Variants in SETD5 observed in about 807,000 individuals in gnomAD.
The protein encoded by SETD5 is SET domain containing 5, also known as histone-lysine N-methyltransferase SETD5.
In SETD5, 44 loss-of-function variants were observed where a neutral mutation model predicts 153.3. The ratio of observed to expected loss-of-function variants is 0.29; its 90% CI spans 0.23 to 0.37. The LOEUF is 0.37. SETD5 is among the 10% of genes least tolerant of loss of function. The pLI is 1.00. For synonymous variants in SETD5, 716 were observed against 645.2 expected (o/e 1.11, Z -1.66); for missense variants, 1,544 against 1,768.0 (o/e 0.87, Z 2.27).
chr3:9,470,772 A>G lies in SETD5; in HGVS notation c.3038A>G (p.His1013Arg), dbSNP rs762472043. 1 of 1,613,918 alleles carries G rather than the reference A, an allele frequency of 6.2e-7. No homozygotes were observed. The highest frequency in any genetic ancestry group is 8.5e-7 in the Non-Finnish European group (1 of 1,179,872). The change falls in exon 19 of 23, where the codon CAT becomes CGT. Residue 1013 changes from histidine (H) to arginine (R), a missense_variant. Coordinates refer to ENST00000402198, the MANE Select transcript of SETD5 (RefSeq NM_001080517.3). ...CTAGTGGGGGATAGGAAGCCTTTAC[A>G]TTTGGATGGGGGATATTGTTCCCCT... ...SPLVGDRKPL[H>R]LDGGYCSPAE...
At chr3:9,444,967 ATATTT>A in intron 11 of SETD5, 76 bp from the exon 12 acceptor site, 17 of 1,526,142 alleles carry the variant, frequency 1.1e-5, no homozygotes, top group Non-Finnish European at 1.5e-5. Flanking sequence ...TACTGTACTG[ATATTT>A]TAAGAGGGTG....
intron 7 of SETD5, 103 bp from the exon 8 acceptor site, chr3:9,440,353 C>A (rs2041124051): frequency 1.5e-6 from 1 of 658,568 alleles, no homozygotes; most frequent in East Asian, 2.6e-5. Context: ...CATCAATTGC[C>A]AAGTGATAAA....
rs1448110737 is a variant in SETD5, at chr3:9,476,423, G to A, written c.*332G>A. On this transcript the variant is annotated 3_prime_UTR_variant, in exon 23 of 23. Transcript: ENST00000402198. The stretch of plus-strand genomic sequence containing the variant: ...CGTCTCCCATCCTTGCCTGTAGCCC[G>A]TAGTCACTTGTGCAGTGAGGACATC... 2.6e-5 allele frequency: 6 copies of A among 230,430 alleles called. No homozygotes were observed. Among genetic ancestry groups the A allele is most frequent in the Admixed American group, 1.0e-4 (2 of 19,718 alleles). The allele number at this position is 230,430 out of a possible 1,614,324, so 14.3% of individuals were successfully genotyped here.
chr3:9,453,859 G>T lies in SETD5; in HGVS notation c.2467G>T (p.Asp823Tyr). The T allele has an allele frequency of 6.3e-7, 1 of 1,579,322 alleles. No individual in the cohort carries two copies. The highest frequency in any genetic ancestry group is 1.2e-5 in the South Asian group (1 of 84,620). The change falls in exon 17 of 23, where the codon GAC becomes TAC. Residue 823 changes from aspartate (D) to tyrosine (Y), a missense_variant. Asp to Tyr is a radical substitution (Grantham distance 160). This residue lies in a region of SETD5 where 782 missense variants were observed against 787.2 expected (regional missense o/e 0.99). Coordinates refer to ENST00000402198, the MANE Select transcript of SETD5 (RefSeq NM_001080517.3). The part of the protein sequence containing the change: ...ENSSSSSICK[D>Y]NADLLSPLKK... ...TAGTAGCTCTTCTAGTATCTGCAAA[G>T]ACAATGCAGGTACGTATCTAAAACC...
chr3:9,410,981 C>T (rs1036469076), intron 1 of SETD5, among the ~76,000 whole-genome samples: 1 of 151,830 alleles, frequency 6.6e-6, no homozygotes, highest in African/African-American at 2.4e-5. Flanking sequence ...CTAGGCGTCC[C>T]AGGTTGAAGC....
chr3:9,447,018 C>T (rs746109974), intron 13 of SETD5, 32 bp from the exon 14 acceptor site: 27 of 1,541,930 alleles, frequency 1.8e-5, no homozygotes, highest in Non-Finnish European at 2.2e-5. Flanking sequence ...TCATTTGAAG[C>T]TTCCTTCTAC....
rs2041793270 is a variant in SETD5, at chr3:9,445,208, G to A, written c.1348G>A (p.Glu450Lys). 4.3e-6 allele frequency: 7 copies of A among 1,613,582 alleles called. No individual in the cohort carries two copies. Among genetic ancestry groups the A allele is most frequent in the Non-Finnish European group, 5.9e-6 (7 of 1,179,748 alleles). The change falls in exon 12 of 23, where the codon GAG becomes AAG. Residue 450 changes from glutamate to lysine, a missense_variant. Transcript: ENST00000402198. Reference protein sequence around the residue: ...RRRKARRKELEMEQQNEASEE... With the variant: ...RRRKARRKELKMEQQNEASEE... ...TAGAAAAGCACGACGGAAAGAGCTA[G>A]AGATGGAGCAGCAGAATGAGGCTTC...
At chr3:9,455,143 G>A (rs1393518624) in intron 17 of SETD5, among the ~76,000 whole-genome samples, 2 of 143,598 alleles carry the variant, frequency 1.4e-5, no homozygotes, top group African/African-American at 2.6e-5. Flanking sequence ...TTCAGAAAAC[G>A]TGAATTGCCT....
intron 18 of SETD5, among the ~76,000 whole-genome samples, chr3:9,465,412 C>T (rs1435687609): frequency 6.6e-6 from 1 of 152,140 alleles, no homozygotes; most frequent in African/African-American, 2.4e-5. Flanking sequence ...TTTTAAAACA[C>T]TTCATCTATT....
At chr3:9,468,272 C>T (rs974217909) in intron 18 of SETD5, among the ~76,000 whole-genome samples, 4 of 152,046 alleles carry the variant, frequency 2.6e-5, no homozygotes, top group African/African-American at 9.7e-5. Context: ...TGTTTACTTA[C>T]AGCATGAAAC....
intron 17 of SETD5, among the ~76,000 whole-genome samples, chr3:9,462,224 G>T (rs2044037800): frequency 6.6e-6 from 1 of 152,102 alleles, no homozygotes; most frequent in Admixed American, 6.6e-5. Context: ...TTCCTTGAAG[G>T]CCTGGAATAA....
rs1396086501 is a variant in SETD5, at chr3:9,476,496, A to C, written c.*405A>C. On this transcript the variant is annotated 3_prime_UTR_variant, in exon 23 of 23. Coordinates refer to ENST00000402198, the MANE Select transcript of SETD5 (RefSeq NM_001080517.3). ...AAAAAAAAGTTTTCAAAGGAAAAAA[A>C]GTTAAAAGAGCCAATCTCAAAGCCC... 1 of 163,020 alleles carries C rather than the reference A, an allele frequency of 6.1e-6. No homozygotes were observed. The highest frequency in any genetic ancestry group is 1.4e-5 in the Non-Finnish European group (1 of 73,960). 10.1% of individuals were successfully genotyped at this position (163,020 alleles called of 1,614,324 possible). A position where few individuals can be genotyped will look rare whatever the true frequency, so the allele number is the denominator to read the frequency against.
At position 9,475,446 on chromosome 3, in the gene SETD5, T is replaced by C. The variant is rs987947710; in HGVS notation, c.3721-37T>C. On this transcript the variant is annotated intron_variant, in intron 22 of 22. Transcript: ENST00000402198. ...GTTCACCAGCCATTTAAGGGACTTG[T>C]TCGCGTCCTTATTCGTTTCCTCCCA... 7 of 1,583,174 alleles carry C rather than the reference T, an allele frequency of 4.4e-6. No individual in the cohort carries two copies. In the South Asian group the frequency reaches 8.0e-5, roughly 18 times the overall value.
chr3:9,431,312 G>A, intron 3 of SETD5: 1 of 985,398 alleles, frequency 1.0e-6, no homozygotes, highest in Non-Finnish European at 1.2e-6. Context: ...GAACACTGTT[G>A]ATGGAGTATA....
chr3:9,440,823 G>T (rs562569662), intron 8 of SETD5, 125 bp downstream of exon 8: 7 of 1,260,468 alleles, frequency 5.6e-6, no homozygotes, highest in Non-Finnish European at 7.5e-6. Flanking sequence ...GATTAGCCAG[G>T]TGTTGATCAT....
chr3:9,419,506 C>T (rs550061070), intron 1 of SETD5, among the ~76,000 whole-genome samples: 10 of 152,164 alleles, frequency 6.6e-5, no homozygotes, highest in Admixed American at 5.2e-4. Flanking sequence ...GTTGAGGTTG[C>T]GGTGAGCTGT....
At position 9,438,862 on chromosome 3, in the gene SETD5, T is replaced by A. The variant is rs1459308675; in HGVS notation, c.568-1594T>A. On this transcript the variant is annotated intron_variant, in intron 7 of 22. Transcript: ENST00000402198. ...GTAACACTCATACACTCAGTTGAGA[T>A]TATCAAAAATGTCTTCAGATATTAC... 2.0e-5 allele frequency among the ~76,000 whole-genome samples: 3 copies of A among 152,180 alleles called. 1 individual carries two copies. Among genetic ancestry groups the A allele is most frequent in the Admixed American group, 2.0e-4 (3 of 15,276 alleles).
chr3:9,446,563 A>C (rs932350333), intron 13 of SETD5, among the ~76,000 whole-genome samples: 1 of 150,852 alleles, frequency 6.6e-6, no homozygotes, highest in Non-Finnish European at 1.5e-5. Context: ...CGCAATCTCA[A>C]CTCACCACAA....
At chr3:9,428,248 T>TA (rs1300445509) in intron 2 of SETD5, among the ~76,000 whole-genome samples, 1 of 152,160 alleles carries the variant, frequency 6.6e-6, no homozygotes, top group East Asian at 1.9e-4. Context: ...AAATTATAGT[T>TA]AAGATGATTT....
Sources: gnomAD v4.1 joint callset for allele counts (sites outside exome capture counted in the v4.1 genomes callset) on GRCh38, gnomAD v4.1.1 for gene constraint, gnomAD v4.1.1 regional missense constraint, MANE v1.5 for transcripts, NCBI Gene and HGNC (gene_info 2026-07-23, HGNC 2026-07-21) for gene names.